Variants in SLC9A1 observed in about 807,000 individuals in gnomAD.
The protein encoded by SLC9A1 is sodium/hydrogen exchanger 1.
Under a neutral mutation model 67.9 loss-of-function variants are expected in SLC9A1, and 22 were observed. That is an observed-to-expected ratio of 0.32 (90% CI 0.23 to 0.46). The LOEUF is 0.46. Ranked by LOEUF, SLC9A1 falls within the 20% of genes least tolerant of loss-of-function variation. The pLI, the probability that SLC9A1 is intolerant of heterozygous loss-of-function variation, is 1.00. For synonymous variants in SLC9A1, 421 were observed against 471.8 expected (o/e 0.89, Z 1.40); for missense variants, 686 against 1,094.8 (o/e 0.63, Z 5.27).
intron 1 of SLC9A1, among the ~76,000 whole-genome samples, chr1:27,127,548 C>A (rs1570870237): frequency 6.6e-6 from 1 of 151,854 alleles, no homozygotes; most frequent in Admixed American, 6.5e-5. Context: ...TTATGAAAGG[C>A]CACAAATACC....
chr1:27,122,786 C>T (rs974555264), intron 1 of SLC9A1, among the ~76,000 whole-genome samples: 4 of 152,198 alleles, frequency 2.6e-5, no homozygotes, highest in South Asian at 2.1e-4. Flanking sequence ...CAGCAGATTG[C>T]CCCTCCCCCT....
chr1:27,124,687 G>A (rs1225321540), intron 1 of SLC9A1, among the ~76,000 whole-genome samples: 1 of 152,206 alleles, frequency 6.6e-6, no homozygotes, highest in Admixed American at 6.5e-5. Flanking sequence ...ATCCCTAGTA[G>A]CTTTATCAGC....
chr1:27,103,498 C>T (rs1428205127), intron 5 of SLC9A1, 186 bp from the exon 6 acceptor site: 2 of 598,238 alleles, frequency 3.3e-6, no homozygotes, highest in Non-Finnish European at 6.0e-6. Flanking sequence ...TCCTTAAGGC[C>T]TGCTTCTTCC....
At chr1:27,129,784 C>CT (rs1162970978) in intron 1 of SLC9A1, among the ~76,000 whole-genome samples, 2 of 152,028 alleles carry the variant, frequency 1.3e-5, no homozygotes, top group African/African-American at 2.4e-5. Flanking sequence ...ACTCCCACTT[C>CT]TTTTTTTTAA....
At chr1:27,149,770 G>A (rs531843338) in intron 1 of SLC9A1, among the ~76,000 whole-genome samples, 34 of 152,340 alleles carry the variant, frequency 2.2e-4, no homozygotes, top group African/African-American at 7.9e-4. Context: ...GTACTGAGAG[G>A]CAGCATCAGG....
chr1:27,146,687 G>A (rs1012789677), intron 1 of SLC9A1, among the ~76,000 whole-genome samples: 3 of 151,982 alleles, frequency 2.0e-5, no homozygotes, highest in African/African-American at 7.3e-5. Flanking sequence ...GCTGAGGTGG[G>A]GGGATTGCCT....
chr1:27,116,814 TTA>T (rs991188714), intron 1 of SLC9A1, among the ~76,000 whole-genome samples: 3 of 152,174 alleles, frequency 2.0e-5, no homozygotes, highest in Non-Finnish European at 2.9e-5. Flanking sequence ...CTGTCAACTC[TTA>T]GGTTTCAGCC....
chr1:27,100,006 A>T lies in SLC9A1; in HGVS notation c.*301T>A. ...AGGAGGAGGATGAGGCAGAGGGAGG[A>T]GCCTCCGAGGCCCTAGTCCAGGTCC... is the stretch of plus-strand genomic sequence containing the variant. On this transcript the variant is annotated 3_prime_UTR_variant, in exon 12 of 12. Transcript: ENST00000263980. The surrounding 1 kb of genome is among the most constrained non-coding windows in gnomAD (Gnocchi z 5.6). 1 of 369,468 alleles carries T rather than the reference A, an allele frequency of 2.7e-6. No homozygotes were observed. Among genetic ancestry groups the T allele is most frequent in the Non-Finnish European group, 4.9e-6 (1 of 205,980 alleles). The allele number at this position is 369,468 out of a possible 1,614,324, so 22.9% of individuals were successfully genotyped here.
rs2124224973 is a variant in SLC9A1 at position 27,154,370 on chromosome 1, A to G, written c.-36T>C. On this transcript the variant is annotated 5_prime_UTR_variant, in exon 1 of 12. Transcript: ENST00000263980. The stretch of plus-strand genomic sequence containing the variant: ...CCAGAGCCAGCCTCGACCTTACCCA[A>G]ATGAGAGTAAAACCGGGCACATAGG... 1 of 1,423,870 alleles carries G rather than the reference A, an allele frequency of 7.0e-7. No homozygotes were observed. The highest frequency in any genetic ancestry group is 1.4e-5 in the South Asian group (1 of 73,446). The allele number at this position is 1,423,870 out of a possible 1,614,324, so 88.2% of individuals were successfully genotyped here. A position where few individuals can be genotyped will look rare whatever the true frequency, so the allele number is the denominator to read the frequency against.
At position 27,109,521 on chromosome 1, in the gene SLC9A1, A is replaced by T; in HGVS notation, c.1064+6T>A. ...CAAGCCCACTGCCTGCTGCACGCAGACTCACGCCATGATGCCTGACAGGTG... is the reference window on the plus strand; with the variant it reads ...CAAGCCCACTGCCTGCTGCACGCAGTCTCACGCCATGATGCCTGACAGGTG... On this transcript the variant is annotated splice_donor_region_variant and intron_variant, in intron 3 of 11. Transcript: ENST00000263980. This position sits in a 1 kb window ranked among gnomAD's most constrained non-coding sequence, Gnocchi z 5.5. 2 of 1,612,212 alleles carry T rather than the reference A, an allele frequency of 1.2e-6. No individual in the cohort carries two copies. The highest frequency in any genetic ancestry group is 1.7e-6 in the Non-Finnish European group (2 of 1,179,684).
At chr1:27,107,340 C>T (rs1248409634) in intron 4 of SLC9A1, among the ~76,000 whole-genome samples, 9 of 123,342 alleles carry the variant, frequency 7.3e-5, no homozygotes, top group Admixed American at 6.5e-4. Flanking sequence ...CACATATATA[C>T]AAAGCCCTCC....
Position 27,154,079 on chromosome 1 carries a change from G to C in SLC9A1, c.256C>G (p.Arg86Gly). The C allele has an allele frequency of 6.2e-7, 1 of 1,613,792 alleles. No individual in the cohort carries two copies. The highest frequency in any genetic ancestry group is 8.5e-7 in the Non-Finnish European group (1 of 1,179,812). ...HSVTDHGMKPRKAFPVLGIDY... is the reference protein window; with the variant it reads ...HSVTDHGMKPGKAFPVLGIDY... ...ATGCCCAGGACTGGAAAGGCCTTGC[G>C]CGGCTTCATGCCATGATCAGTGACG... is the stretch of plus-strand genomic sequence containing the variant. The change falls in exon 1 of 12, where the codon CGC (arginine) becomes GGC (glycine). Residue 86 changes from arginine (R) to glycine (G), a missense_variant. Physicochemically the swap from Arg to Gly is moderately radical, Grantham distance 125. Transcript: ENST00000263980.
chr1:27,103,932 C>T (rs2083165769), intron 5 of SLC9A1: 1 of 152,502 alleles, frequency 6.6e-6, no homozygotes, highest in Non-Finnish European at 1.5e-5. Context: ...CAGGCTGGCT[C>T]TGGAGGGAGG....
In SLC9A1 at chr1:27,100,721, T is replaced by G; in HGVS notation, c.2111-77A>C. On this transcript the variant is annotated intron_variant, in intron 11 of 11. Coordinates refer to ENST00000263980, the MANE Select transcript of SLC9A1 (RefSeq NM_003047.5). This position sits in a 1 kb window ranked among gnomAD's most constrained non-coding sequence, Gnocchi z 5.6. ...AGCACGTGCCACTCGGCCGCGTCAG[T>G]GCCTCCTTCAGGCCTTCTCATGAGC... The G allele has an allele frequency of 8.0e-7, 1 of 1,242,992 alleles. No individual in the cohort carries two copies. The highest frequency in any genetic ancestry group is 1.1e-6 in the Non-Finnish European group (1 of 884,186). 77.0% of individuals were successfully genotyped at this position (1,242,992 alleles called of 1,614,324 possible). A position where few individuals can be genotyped will look rare whatever the true frequency, so the allele number is the denominator to read the frequency against.
chr1:27,132,955 G>T (rs1291146558), intron 1 of SLC9A1, among the ~76,000 whole-genome samples: 1 of 152,328 alleles, frequency 6.6e-6, no homozygotes, highest in East Asian at 1.9e-4. Flanking sequence ...CCGGGAGAGT[G>T]GGACCCACCT....
chr1:27,125,237 CTTTTTTTT>C lies in SLC9A1; in HGVS notation c.353-10959_353-10952del, dbSNP rs71010327. 2.1e-3 allele frequency among the ~76,000 whole-genome samples: 186 copies of C among 86,890 alleles called. 1 individual carries two copies. The highest frequency in any genetic ancestry group is 8.1e-3 in the African/African-American group (169 of 20,812). 57.0% of individuals were successfully genotyped at this position (86,890 alleles called of 152,430 possible). A position where few individuals can be genotyped will look rare whatever the true frequency, so the allele number is the denominator to read the frequency against. On this transcript the variant is annotated intron_variant, in intron 1 of 11. Transcript: ENST00000263980. ...CTCTTTTCCTTCCTTCCTTTTCTTT[CTTTTTTTT>C]TTTTTTTTTTTTTTTTTTGAGAAAC...
intron 5 of SLC9A1, among the ~76,000 whole-genome samples, chr1:27,104,615 C>G (rs2083171334): frequency 6.6e-6 from 1 of 152,084 alleles, no homozygotes; most frequent in African/African-American, 2.4e-5. Context: ...TCTTGAACTA[C>G]TGGGCTCAAG....
intron 5 of SLC9A1, chr1:27,105,462 C>T (rs977990265): frequency 2.1e-6 from 1 of 480,932 alleles, no homozygotes; most frequent in Admixed American, 3.3e-5. Flanking sequence ...ACCATGCCCA[C>T]TAATTTTGTA....
chr1:27,125,012 C>T (rs1044251820), intron 1 of SLC9A1, among the ~76,000 whole-genome samples: 3 of 152,032 alleles, frequency 2.0e-5, no homozygotes, highest in African/African-American at 7.3e-5. Flanking sequence ...ACCTGCTCCT[C>T]AGGCCCCAAA....
Sources: allele counts gnomAD v4.1 joint callset (sites outside exome capture counted in the v4.1 genomes callset), GRCh38; gene constraint gnomAD v4.1.1; non-coding constraint Gnocchi (gnomAD v3.1); transcripts MANE v1.5; gene names NCBI Gene and HGNC (gene_info 2026-07-23, HGNC 2026-07-21).